The following ATRNL1 variants were observed in gnomAD, a reference collection of about 807,000 sequenced individuals.
ATRNL1 encodes attractin like 1.
Under a neutral mutation model 182.7 loss-of-function variants are expected in ATRNL1, and 95 were observed. The ratio of observed to expected loss-of-function variants is 0.52; its 90% CI spans 0.44 to 0.62. The LOEUF is 0.62. Among genes scored for constraint, ATRNL1 ranks in the 20% least tolerant of loss-of-function variants. ATRNL1 has a pLI of 0.00. For synonymous variants in ATRNL1, 576 were observed against 568.3 expected (o/e 1.01, Z -0.19); for missense variants, 1,471 against 1,679.5 (o/e 0.88, Z 2.17).
intron 7 of ATRNL1, among the ~76,000 whole-genome samples, chr10:115,169,134 G>A (rs1211734331): frequency 6.7e-6 from 1 of 149,210 alleles, no homozygotes; most frequent in Non-Finnish European, 1.5e-5. Flanking sequence ...ATTGGCCATA[G>A]ATGTGTGGGT....
intron 26 of ATRNL1, among the ~76,000 whole-genome samples, chr10:115,587,540 C>G (rs1855622806): frequency 6.6e-6 from 1 of 150,696 alleles, no homozygotes; most frequent in Non-Finnish European, 1.5e-5. Flanking sequence ...CATCTGTCAC[C>G]CCTTTCTTCG....
intron 28 of ATRNL1, among the ~76,000 whole-genome samples, chr10:115,857,999 C>T (rs1255649774): frequency 6.6e-6 from 1 of 152,168 alleles, no homozygotes; most frequent in Admixed American, 6.5e-5. Context: ...AACAAGACAA[C>T]TTACAAAACC....
intron 25 of ATRNL1, among the ~76,000 whole-genome samples, chr10:115,535,428 G>A (rs1482133480): frequency 2.0e-5 from 3 of 149,100 alleles, no homozygotes; most frequent in East Asian, 1.9e-4. Context: ...CATTCTTCAC[G>A]TAGTTCTCAA....
At chr10:115,379,149 G>A (rs1857844435) in intron 19 of ATRNL1, among the ~76,000 whole-genome samples, 1 of 152,018 alleles carries the variant, frequency 6.6e-6, no homozygotes, top group African/African-American at 2.4e-5. Flanking sequence ...GCAGAAATAT[G>A]TTGGCCTCAT....
chr10:115,382,342 A>G (rs1393740224), intron 19 of ATRNL1, among the ~76,000 whole-genome samples: 1 of 152,080 alleles, frequency 6.6e-6, no homozygotes, highest in Non-Finnish European at 1.5e-5. Context: ...CTTTCAATTT[A>G]TTTATACCAT....
At chr10:115,906,966 G>A (rs185067576) in intron 28 of ATRNL1, among the ~76,000 whole-genome samples, 1 of 141,862 alleles carries the variant, frequency 7.0e-6, no homozygotes, top group East Asian at 1.9e-4. Flanking sequence ...TAAATATGAT[G>A]TTTGAGTGTC....
At chr10:115,126,390 G>A (rs188021828) in intron 3 of ATRNL1, among the ~76,000 whole-genome samples, 218 of 152,146 alleles carry the variant, frequency 1.4e-3, no homozygotes, top group Non-Finnish European at 2.7e-3. Context: ...TTCAGAGAGC[G>A]CTCAGAGACT....
In ATRNL1 at chr10:115,488,302, G is replaced by A. The variant is rs113337622; in HGVS notation, c.3654+18973G>A. 5.6e-3 allele frequency among the ~76,000 whole-genome samples: 846 copies of A among 152,274 alleles called. 9 individuals are homozygous for A. Among genetic ancestry groups the A allele is most frequent in the African/African-American group, 0.02 (814 of 41,550 alleles). On this transcript the variant is annotated intron_variant, in intron 24 of 28. Transcript: ENST00000355044. ...AATAGTTTCAGAAGGAATGGTACCA[G>A]TTCCTCTTGGTACCTCTGGTAGAAT...
intron 5 of ATRNL1, among the ~76,000 whole-genome samples, chr10:115,132,037 C>T (rs782813656): frequency 4.6e-5 from 7 of 151,938 alleles, no homozygotes; most frequent in African/African-American, 7.3e-5. Context: ...CCCATTAACA[C>T]GTCACTTACA....
chr10:115,433,749 ATTAAG>A (rs1846271089), intron 21 of ATRNL1, among the ~76,000 whole-genome samples: 1 of 152,322 alleles, frequency 6.6e-6, no homozygotes, highest in African/African-American at 2.4e-5. Flanking sequence ...AAAAATTGCT[ATTAAG>A]TTAATGTAGA....
chr10:115,760,087 T>C (rs563969969), intron 27 of ATRNL1, among the ~76,000 whole-genome samples: 13 of 151,814 alleles, frequency 8.6e-5, no homozygotes, highest in African/African-American at 3.1e-4. Flanking sequence ...CAAAGAACTA[T>C]ATATAATATA....
intron 21 of ATRNL1, among the ~76,000 whole-genome samples, chr10:115,452,810 C>G (rs1294229250): frequency 6.6e-6 from 1 of 152,054 alleles, no homozygotes; most frequent in Non-Finnish European, 1.5e-5. Flanking sequence ...TTTTGCATAA[C>G]TGAAGCTTTG....
intron 28 of ATRNL1, among the ~76,000 whole-genome samples, chr10:115,871,696 A>C (rs2134418298): frequency 6.6e-6 from 1 of 152,128 alleles, no homozygotes; most frequent in South Asian, 2.1e-4. Context: ...GAAAGTCATA[A>C]TTTTCCAAAG....
chr10:115,466,651 GT>G (rs1212383380), intron 22 of ATRNL1, among the ~76,000 whole-genome samples: 1 of 151,052 alleles, frequency 6.6e-6, no homozygotes, highest in African/African-American at 2.4e-5. Flanking sequence ...GTGATCTGCT[GT>G]TTTTTTGGAG....
intron 8 of ATRNL1, among the ~76,000 whole-genome samples, chr10:115,211,659 T>C (rs1206518069): frequency 1.3e-4 from 20 of 151,860 alleles, no homozygotes; most frequent in Non-Finnish European, 2.8e-4. Context: ...ATGTGCACAA[T>C]GTGCAGGTTT....
At chr10:115,898,809 CT>C (rs1279682915) in intron 28 of ATRNL1, among the ~76,000 whole-genome samples, 1 of 152,112 alleles carries the variant, frequency 6.6e-6, no homozygotes, top group African/African-American at 2.4e-5. Flanking sequence ...GCAAAGCTGA[CT>C]AATTTTTAAA....
chr10:115,597,083 T>C (rs1856292005), intron 26 of ATRNL1, among the ~76,000 whole-genome samples: 1 of 152,162 alleles, frequency 6.6e-6, no homozygotes, highest in Non-Finnish European at 1.5e-5. Context: ...TTCTTCTAGT[T>C]TAAATAGTCT....
chr10:115,633,494 T>C (rs571788133), intron 26 of ATRNL1, among the ~76,000 whole-genome samples: 1 of 152,344 alleles, frequency 6.6e-6, no homozygotes, highest in African/African-American at 2.4e-5. Context: ...TATTTCAAAG[T>C]TATGAGTTGA....
intron 24 of ATRNL1, among the ~76,000 whole-genome samples, chr10:115,472,023 G>T (rs1848331803): frequency 6.6e-6 from 1 of 150,868 alleles, no homozygotes; most frequent in South Asian, 2.1e-4. Flanking sequence ...GTTGATTTTT[G>T]TGTATGGTAT....
Sources: allele counts gnomAD v4.1 joint callset (sites outside exome capture counted in the v4.1 genomes callset), GRCh38; gene constraint gnomAD v4.1.1; transcripts MANE v1.5; gene names NCBI Gene and HGNC (gene_info 2026-07-23, HGNC 2026-07-21).